PSD3: variants seen among roughly 807,000 people sequenced by gnomAD.
PSD3 encodes PH and SEC7 domain-containing protein 3.
Under a neutral mutation model 105.5 loss-of-function variants are expected in PSD3, and 49 were observed. The observed-to-expected ratio is 0.46, with a 90% confidence interval of 0.37 to 0.59. PSD3 has a LOEUF of 0.59. Ranked by LOEUF, PSD3 falls within the 20% of genes least tolerant of loss-of-function variation. The pLI, the probability that PSD3 is intolerant of heterozygous loss-of-function variation, is 0.00. For missense variants in PSD3, 1,561 were observed against 1,263.8 expected (o/e 1.24, Z -3.57); for synonymous variants, 557 against 457.8 (o/e 1.22, Z -2.77).
intron 2 of PSD3, among the ~76,000 whole-genome samples, chr8:18,919,765 C>T (rs1298387350): frequency 2.0e-5 from 3 of 148,896 alleles, no homozygotes; most frequent in Non-Finnish European, 4.4e-5. Flanking sequence ...AAACCAAACA[C>T]CGCATATTCT....
At chr8:18,678,739 G>A (rs1035575063) in intron 9 of PSD3, among the ~76,000 whole-genome samples, 2 of 152,158 alleles carry the variant, frequency 1.3e-5, no homozygotes, top group African/African-American at 4.8e-5. Flanking sequence ...TCGAATCTGG[G>A]AGGCAGAGGT....
intron 10 of PSD3, among the ~76,000 whole-genome samples, chr8:18,642,659 G>C (rs932772291): frequency 3.3e-5 from 5 of 152,110 alleles, no homozygotes; most frequent in Non-Finnish European, 7.3e-5. Flanking sequence ...CAACCTGTCT[G>C]CTCTGAATAT....
chr8:18,911,966 G>C (rs1341158097), intron 2 of PSD3, among the ~76,000 whole-genome samples: 1 of 152,136 alleles, frequency 6.6e-6, no homozygotes, highest in African/African-American at 2.4e-5. Context: ...AAACAGCCAA[G>C]TTAAGTGGGA....
At chr8:18,951,127 G>A (rs1251667943) in intron 1 of PSD3, among the ~76,000 whole-genome samples, 1 of 152,122 alleles carries the variant, frequency 6.6e-6, no homozygotes, top group Non-Finnish European at 1.5e-5. Flanking sequence ...GGGCATGGTG[G>A]CTCATACCTA....
At chr8:18,749,510 A>G (rs1176296455) in intron 9 of PSD3, among the ~76,000 whole-genome samples, 2 of 152,212 alleles carry the variant, frequency 1.3e-5, no homozygotes, top group Non-Finnish European at 2.9e-5. Flanking sequence ...TCAAATGTTC[A>G]TCTAGCCACT....
intron 1 of PSD3, among the ~76,000 whole-genome samples, chr8:19,038,186 C>T (rs1470244154): frequency 6.6e-6 from 1 of 152,016 alleles, no homozygotes; most frequent in African/African-American, 2.4e-5. Flanking sequence ...TCTTAATAAG[C>T]TGGGCTATGA....
intron 1 of PSD3, chr8:19,001,857 CT>C: frequency 5.8e-6 from 1 of 171,300 alleles, no homozygotes; most frequent in South Asian, 1.6e-4. Flanking sequence ...ACAGTACTTC[CT>C]GCGGTGTCCC....
chr8:19,063,148 G>A (rs569957018), intron 1 of PSD3, among the ~76,000 whole-genome samples: 3 of 152,256 alleles, frequency 2.0e-5, no homozygotes, highest in South Asian at 2.1e-4. Context: ...TCTGTAAGAC[G>A]CACCTGTTCT....
chr8:18,589,385 G>C (rs2717730), intron 12 of PSD3, among the ~76,000 whole-genome samples: 73,715 of 152,002 alleles, frequency 0.48, 18,097 homozygotes, highest in South Asian at 0.59. Context: ...TGTGATCTTT[G>C]GGTTTCAGCT....
intron 9 of PSD3, among the ~76,000 whole-genome samples, chr8:18,741,618 A>G (rs751440751): frequency 1.3e-5 from 2 of 152,226 alleles, no homozygotes; most frequent in Non-Finnish European, 2.9e-5. Flanking sequence ...TACTGGCACT[A>G]GCTACATATG....
intron 3 of PSD3, 71 bp from the exon 4 acceptor site, chr8:18,868,140 T>A: frequency 6.9e-7 from 1 of 1,439,158 alleles, no homozygotes; most frequent in Non-Finnish European, 9.4e-7. Context: ...TTCAACCATA[T>A]AAAAAGGACA....
chr8:18,648,792 A>G (rs959589439), intron 10 of PSD3, among the ~76,000 whole-genome samples: 5 of 152,312 alleles, frequency 3.3e-5, no homozygotes, highest in Non-Finnish European at 5.9e-5. Context: ...ACTGCCCTAT[A>G]CTGCTCCCTG....
intron 1 of PSD3, among the ~76,000 whole-genome samples, chr8:19,029,717 C>T (rs1319052278): frequency 6.6e-6 from 1 of 152,130 alleles, no homozygotes; most frequent in Non-Finnish European, 1.5e-5. Flanking sequence ...GGGGACACAG[C>T]TAAACCATAT....
At chr8:18,861,851 C>A (rs978133107) in intron 4 of PSD3, among the ~76,000 whole-genome samples, 3 of 152,132 alleles carry the variant, frequency 2.0e-5, no homozygotes, top group Admixed American at 2.0e-4. Flanking sequence ...TACCAATAAG[C>A]AATCAGAAGT....
intron 9 of PSD3, among the ~76,000 whole-genome samples, chr8:18,697,312 G>A (rs1293546836): frequency 1.3e-5 from 2 of 152,140 alleles, no homozygotes; most frequent in African/African-American, 2.4e-5. Context: ...GGCTAAGAAT[G>A]AGATAAGAGA....
intron 1 of PSD3, among the ~76,000 whole-genome samples, chr8:18,965,718 A>G (rs558793654): frequency 7.9e-5 from 12 of 152,250 alleles, no homozygotes; most frequent in Non-Finnish European, 1.2e-4. Flanking sequence ...GATGGATGGC[A>G]AGTGAAAACA....
intron 11 of PSD3, among the ~76,000 whole-genome samples, chr8:18,617,317 G>A (rs66718168): frequency 0.1 from 15,283 of 152,090 alleles, 814 homozygotes; most frequent in African/African-American, 0.15. Context: ...AATCACCTGA[G>A]GTAAGGGGTT....
chr8:18,860,937 G>A (rs1378651865), intron 4 of PSD3, among the ~76,000 whole-genome samples: 1 of 151,870 alleles, frequency 6.6e-6, no homozygotes, highest in African/African-American at 2.4e-5. Context: ...GCTCATCCAA[G>A]TAACAGGCGC....
At chr8:19,026,788 G>A (rs1029450953) in intron 1 of PSD3, among the ~76,000 whole-genome samples, 6 of 151,176 alleles carry the variant, frequency 4.0e-5, no homozygotes, top group African/African-American at 9.7e-5. Flanking sequence ...TGTGAGGATC[G>A]CTTGAGTCCA....
Sources: allele counts gnomAD v4.1 joint callset (sites outside exome capture counted in the v4.1 genomes callset), GRCh38; gene constraint gnomAD v4.1.1; transcripts MANE v1.5; gene names NCBI Gene and HGNC (gene_info 2026-07-23, HGNC 2026-07-21).